The following ATG5 variants were observed in gnomAD, a reference collection of about 807,000 sequenced individuals.
The protein encoded by ATG5 is autophagy related 5.
In ATG5, 14 loss-of-function variants were observed where a neutral mutation model predicts 36.5. The ratio of observed to expected loss-of-function variants is 0.38; its 90% CI spans 0.25 to 0.60. ATG5 has a LOEUF of 0.60. ATG5 is among the 20% of genes least tolerant of loss of function. The probability of loss-of-function intolerance (pLI) is 0.60; values close to 1 mark genes in which losing one functional copy is unlikely to be tolerated. For missense variants in ATG5, 195 were observed against 326.7 expected (o/e 0.60, Z 3.11); for synonymous variants, 95 against 101.5 (o/e 0.94, Z 0.38).
intron 6 of ATG5, among the ~76,000 whole-genome samples, chr6:106,235,399 A>G (rs147025713): frequency 6.6e-6 from 1 of 152,154 alleles, no homozygotes; most frequent in East Asian, 1.9e-4. Flanking sequence ...AACCCCTACT[A>G]TGCCCCAATT....
intron 3 of ATG5, among the ~76,000 whole-genome samples, chr6:106,301,729 TA>T (rs1770215342): frequency 6.6e-6 from 1 of 152,080 alleles, no homozygotes; most frequent in African/African-American, 2.4e-5. Context: ...TGGAATACTG[TA>T]AGTATATAAT....
chr6:106,303,993 AAAG>A (rs1217602486), intron 3 of ATG5, among the ~76,000 whole-genome samples: 1 of 151,806 alleles, frequency 6.6e-6, no homozygotes, highest in African/African-American at 2.4e-5. Context: ...AAAAAGAAGA[AAAG>A]AAATAAAAGG....
At chr6:106,221,783 T>C (rs1777264936) in intron 6 of ATG5, among the ~76,000 whole-genome samples, 1 of 151,580 alleles carries the variant, frequency 6.6e-6, no homozygotes, top group Non-Finnish European at 1.5e-5. Context: ...CCCAAAGACA[T>C]CTTAAGGAGA....
At chr6:106,296,711 G>C (rs894361132) in intron 3 of ATG5, among the ~76,000 whole-genome samples, 6 of 152,176 alleles carry the variant, frequency 3.9e-5, no homozygotes, top group East Asian at 1.9e-4. Context: ...CTAGCTACTC[G>C]GGAGGCTGAG....
chr6:106,312,500 A>G (rs1222988941), intron 2 of ATG5, among the ~76,000 whole-genome samples: 2 of 152,142 alleles, frequency 1.3e-5, no homozygotes, highest in African/African-American at 2.4e-5. Context: ...AATGCTTGAC[A>G]AAGACATAAA....
In ATG5 at chr6:106,232,468, G is replaced by A. The variant is rs575850419; in HGVS notation, c.573+15682C>T. Among the ~76,000 whole-genome samples, 15 of 152,172 alleles carry A rather than the reference G, an allele frequency of 9.9e-5. No homozygotes were observed. In the South Asian group the frequency reaches 3.1e-3, roughly 32 times the overall value. On this transcript the variant is annotated intron_variant, in intron 6 of 7. Transcript: ENST00000369076. Reference sequence around the variant, plus strand: ...GGAGAACACCCGTTTGTTGTCCCCTGCTTGAGGAAGGAATTAATCTTGAAG... The same window carrying A: ...GGAGAACACCCGTTTGTTGTCCCCTACTTGAGGAAGGAATTAATCTTGAAG...
At chr6:106,323,042 CCCAGTGG>C (rs1252053989) in intron 1 of ATG5, among the ~76,000 whole-genome samples, 1 of 152,012 alleles carries the variant, frequency 6.6e-6, no homozygotes, top group Non-Finnish European at 1.5e-5. Context: ...GCTTCAGCCT[CCCAGTGG>C]CTGGGACTAC....
chr6:106,240,724 A>G (rs1432579511), intron 6 of ATG5, among the ~76,000 whole-genome samples: 2 of 152,044 alleles, frequency 1.3e-5, no homozygotes, highest in Non-Finnish European at 2.9e-5. Flanking sequence ...TACCTATTCC[A>G]TACCTTAAAA....
At chr6:106,310,518 T>A (rs1582685564) in intron 2 of ATG5, among the ~76,000 whole-genome samples, 1 of 152,290 alleles carries the variant, frequency 6.6e-6, no homozygotes, top group East Asian at 1.9e-4. Flanking sequence ...ATTGTTTTTC[T>A]TAGGTGTATT....
chr6:106,225,923 A>G (rs2853340), intron 6 of ATG5, among the ~76,000 whole-genome samples: 13,001 of 152,284 alleles, frequency 0.085, 584 homozygotes, highest in South Asian at 0.13. Flanking sequence ...TAAGAAATCC[A>G]AAGGGGGTCT....
intron 6 of ATG5, among the ~76,000 whole-genome samples, chr6:106,228,303 A>G (rs1440992638): frequency 6.6e-6 from 1 of 151,992 alleles, no homozygotes; most frequent in African/African-American, 2.4e-5. Flanking sequence ...ACTGACTTCC[A>G]TCCCTCTGGA....
intron 6 of ATG5, among the ~76,000 whole-genome samples, chr6:106,238,981 A>T (rs1472272002): frequency 6.6e-6 from 1 of 152,212 alleles, no homozygotes; most frequent in Non-Finnish European, 1.5e-5. Context: ...ATCATTTCTA[A>T]TTAGAAACGC....
intron 7 of ATG5, among the ~76,000 whole-genome samples, chr6:106,195,824 A>C (rs892163591): frequency 6.6e-6 from 1 of 151,602 alleles, no homozygotes; most frequent in South Asian, 2.1e-4. Context: ...AAAAAAAAAA[A>C]AAAAAAAACC....
intron 1 of ATG5, 29 bp from the exon 2 acceptor site, chr6:106,316,295 G>T: frequency 3.3e-6 from 3 of 900,832 alleles, no homozygotes; most frequent in Admixed American, 2.4e-5. Context: ...GCATTAGTCA[G>T]ATCCTTGCAA....
In ATG5 at chr6:106,296,122, C is replaced by T. The variant is rs565586199; in HGVS notation, c.237-3016G>A. Among the ~76,000 whole-genome samples the T allele has an allele frequency of 1.4e-4, 22 of 151,978 alleles. No individual in the cohort carries two copies. In the South Asian group the frequency reaches 4.6e-3, roughly 32 times the overall value. On this transcript the variant is annotated intron_variant, in intron 3 of 7. Coordinates refer to ENST00000369076, the MANE Select transcript of ATG5 (RefSeq NM_004849.4). ...GGAGCCAATTTTAGGTTCTGAGTTT[C>T]TTTTTTGAGCAGTTCCAACTATTTT...
At chr6:106,281,961 C>G (rs1399991794) in intron 4 of ATG5, among the ~76,000 whole-genome samples, 1 of 152,108 alleles carries the variant, frequency 6.6e-6, no homozygotes, top group African/African-American at 2.4e-5. Flanking sequence ...TTGGTAAATT[C>G]ATATATGTTC....
At chr6:106,271,807 G>C (rs1460882502) in intron 5 of ATG5, 1 of 152,096 alleles carries the variant, frequency 6.6e-6, no homozygotes, top group African/African-American at 2.4e-5. Flanking sequence ...AAAATGGTGG[G>C]AAATAGAGAA....
chr6:106,247,603 ATG>A (rs1778394954), intron 6 of ATG5, among the ~76,000 whole-genome samples: 1 of 152,184 alleles, frequency 6.6e-6, no homozygotes, highest in Non-Finnish European at 1.5e-5. Context: ...CGGTCACAAC[ATG>A]TTCATTAACT....
intron 7 of ATG5, among the ~76,000 whole-genome samples, chr6:106,198,973 C>A (rs1776314461): frequency 6.6e-6 from 1 of 151,994 alleles, no homozygotes; most frequent in Non-Finnish European, 1.5e-5. Flanking sequence ...TCAAAGAGAT[C>A]TACAAATTAT....
Sources: allele counts gnomAD v4.1 joint callset (sites outside exome capture counted in the v4.1 genomes callset), GRCh38; gene constraint gnomAD v4.1.1; transcripts MANE v1.5; gene names NCBI Gene and HGNC (gene_info 2026-07-23, HGNC 2026-07-21).